Variants in NUP107 observed in about 807,000 individuals in gnomAD.
The protein encoded by NUP107 is nuclear pore complex protein Nup107.
Under a neutral mutation model 141.0 loss-of-function variants are expected in NUP107, and 101 were observed. The observed-to-expected ratio is 0.72, with a 90% CI of 0.61 to 0.84. NUP107 has a LOEUF of 0.84. NUP107 is among the 40% of genes least tolerant of loss of function. The probability of loss-of-function intolerance (pLI) is 0.00; values close to 1 mark genes in which losing one functional copy is unlikely to be tolerated. For missense variants in NUP107, 941 were observed against 1,102.7 expected, an observed-to-expected ratio of 0.85 and a Z score of 2.08; for synonymous variants, 319 against 363.9, an observed-to-expected ratio of 0.88 and a Z score of 1.41.
Position 68,698,348 on chromosome 12 carries a change from G to A in NUP107, c.552+1426G>A, listed in dbSNP as rs535384733. Among the ~76,000 whole-genome samples, 595 of 152,336 alleles carry A rather than the reference G, an allele frequency of 3.9e-3. 2 individuals are homozygous for A. Among genetic ancestry groups the A allele is most frequent in the Middle Eastern group, 6.8e-3 (2 of 294 alleles). Reference sequence around the variant, plus strand: ...GGAGCAACAGGAACTATCATTCATTGCTGGTGGAAATGCAAACAACTATAG... The same window carrying A: ...GGAGCAACAGGAACTATCATTCATTACTGGTGGAAATGCAAACAACTATAG... On this transcript the variant is annotated intron_variant, in intron 6 of 27. Coordinates refer to ENST00000229179, the MANE Select transcript of NUP107 (RefSeq NM_020401.4).
intron 5 of NUP107, among the ~76,000 whole-genome samples, chr12:68,694,254 G>C (rs1171200020): frequency 6.6e-6 from 1 of 152,158 alleles, no homozygotes; most frequent in Non-Finnish European, 1.5e-5. Flanking sequence ...ATGCCATTTA[G>C]TATGTATTAT....
chr12:68,724,748 T>G (rs1877489405), intron 17 of NUP107, among the ~76,000 whole-genome samples: 1 of 152,054 alleles, frequency 6.6e-6, no homozygotes, highest in Non-Finnish European at 1.5e-5. Flanking sequence ...ACCACTGCAC[T>G]CCAGCCTGGG....
intron 5 of NUP107, among the ~76,000 whole-genome samples, chr12:68,693,158 A>G (rs1033406434): frequency 1.3e-5 from 2 of 151,032 alleles, no homozygotes; most frequent in African/African-American, 4.9e-5. Context: ...GCTCACTGCA[A>G]CCTCTACCTG....
At chr12:68,734,279 A>G (rs1157775542) in intron 24 of NUP107, among the ~76,000 whole-genome samples, 1 of 152,144 alleles carries the variant, frequency 6.6e-6, no homozygotes, top group African/African-American at 2.4e-5. Context: ...GTGACAGAGC[A>G]AGGTCCTGTC....
chr12:68,688,524 GTTGT>G (rs1439973348), intron 1 of NUP107, among the ~76,000 whole-genome samples: 6 of 152,116 alleles, frequency 3.9e-5, no homozygotes, highest in Non-Finnish European at 7.4e-5. Flanking sequence ...TGTTGTTGTT[GTTGT>G]TTGTTTGTTT....
chr12:68,687,282 C>A, intron 1 of NUP107: 1 of 701,704 alleles, frequency 1.4e-6, no homozygotes, highest in East Asian at 2.9e-5. Context: ...ATAATAGTCC[C>A]TTACTTTCCC....
chr12:68,700,912 ATTAAT>A, intron 7 of NUP107, 59 bp downstream of exon 7: 1 of 1,437,240 alleles, frequency 7.0e-7, no homozygotes, highest in Non-Finnish European at 9.2e-7. Context: ...CAACAGGCAA[ATTAAT>A]TTAAAAGTTA....
chr12:68,735,079 T>C (rs1878009877), intron 25 of NUP107, 152 bp from the exon 26 acceptor site: 1 of 689,372 alleles, frequency 1.5e-6, no homozygotes, highest in Non-Finnish European at 2.5e-6. Flanking sequence ...TTTACTTAAC[T>C]GCAGTCTGTT....
intron 20 of NUP107, among the ~76,000 whole-genome samples, chr12:68,729,041 G>T (rs923831950): frequency 6.6e-6 from 1 of 152,062 alleles, no homozygotes; most frequent in Non-Finnish European, 1.5e-5. Context: ...AGGGTTTATA[G>T]TATTGCACTA....
At chr12:68,706,299 G>C (rs1876576475) in intron 8 of NUP107, 1 of 947,100 alleles carries the variant, frequency 1.1e-6, no homozygotes, top group South Asian at 1.3e-5. Context: ...GAAGAGATCA[G>C]CTTCCTCAGG....
At chr12:68,734,483 T>C (rs1421496190) in intron 24 of NUP107, among the ~76,000 whole-genome samples, 3 of 152,174 alleles carry the variant, frequency 2.0e-5, no homozygotes, top group Admixed American at 2.0e-4. Context: ...GGTGCTCAGA[T>C]TGGAGAATAT....
rs372354605 is a variant in NUP107 at position 68,714,023 on chromosome 12, TACTTA to T, written c.969+220_969+224del. ...TGTAAGTAATAAGTTGTGGAAAGTATACTTAACTTGACAGCATTAAAAACAAATTA... is the reference window on the plus strand; with the variant it reads ...TGTAAGTAATAAGTTGTGGAAAGTATACTTGACAGCATTAAAAACAAATTA... On this transcript the variant is annotated intron_variant, in intron 11 of 27. Transcript: ENST00000229179. 1,389 of 501,128 alleles carry T rather than the reference TACTTA, an allele frequency of 2.8e-3. 28 individuals carry two copies. Among genetic ancestry groups the T allele is most frequent in the South Asian group, 0.025 (818 of 33,172 alleles). 31.0% of individuals were successfully genotyped at this position (501,128 alleles called of 1,614,324 possible).
chr12:68,720,023 C>G (rs1484469047), intron 14 of NUP107, among the ~76,000 whole-genome samples: 1 of 152,108 alleles, frequency 6.6e-6, no homozygotes, highest in African/African-American at 2.4e-5. Flanking sequence ...GATTGGGAAA[C>G]TCAAAGTAAG....
intron 21 of NUP107, 73 bp downstream of exon 21, chr12:68,731,333 C>G (rs1050637630): frequency 7.1e-7 from 1 of 1,399,946 alleles, no homozygotes; most frequent in African/African-American, 1.5e-5. Flanking sequence ...TAACATTTGT[C>G]CTTATAGTTT....
chr12:68,706,091 ACT>A lies in NUP107; in HGVS notation c.730-3144_730-3143del, dbSNP rs1448594335. 5.2e-6 allele frequency: 4 copies of A among 773,846 alleles called. No individual in the cohort carries two copies. In the African/African-American group the frequency reaches 6.8e-5, roughly 13 times the overall value. The allele number at this position is 773,846 out of a possible 1,614,324, so 47.9% of individuals were successfully genotyped here. A position where few individuals can be genotyped will look rare whatever the true frequency, so the allele number is the denominator to read the frequency against. Reference sequence around the variant, plus strand: ...AACAAACTTCTGCTGGCAGCTGTACACTCTGGGCCAAGAGAAGCTGAAGCTGG... The same window carrying A: ...AACAAACTTCTGCTGGCAGCTGTACACTGGGCCAAGAGAAGCTGAAGCTGG... On this transcript the variant is annotated intron_variant, in intron 8 of 27. Transcript: ENST00000229179.
intron 26 of NUP107, among the ~76,000 whole-genome samples, 176 bp downstream of exon 26, chr12:68,735,520 C>G (rs1238892556): frequency 1.3e-5 from 2 of 152,138 alleles, no homozygotes; most frequent in African/African-American, 2.4e-5. Context: ...ATATTTGATT[C>G]TTGGATAAAC....
At chr12:68,704,661 T>C (rs1367258476) in intron 8 of NUP107, among the ~76,000 whole-genome samples, 1 of 152,002 alleles carries the variant, frequency 6.6e-6, no homozygotes, top group Admixed American at 6.6e-5. Context: ...AACCATGTTG[T>C]CCAGGCTGGT....
intron 11 of NUP107, chr12:68,714,015 G>A: frequency 4.0e-6 from 2 of 498,980 alleles, no homozygotes; most frequent in Non-Finnish European, 7.0e-6. Context: ...AATAAGTTGT[G>A]GAAAGTATAC....
chr12:68,732,244 C>T lies in NUP107; in HGVS notation c.1999-393C>T, dbSNP rs138561125. Reference sequence around the variant, plus strand: ...CCTTCGCCTTCTAGGCTCAAGCCACCCTCCCTCAGTCTCCCGAGTAGCTGG... The same window carrying T: ...CCTTCGCCTTCTAGGCTCAAGCCACTCTCCCTCAGTCTCCCGAGTAGCTGG... On this transcript the variant is annotated intron_variant, in intron 22 of 27. Transcript: ENST00000229179. 2.1e-3 allele frequency among the ~76,000 whole-genome samples: 315 copies of T among 152,278 alleles called. 2 individuals carry two copies. Among genetic ancestry groups the T allele is most frequent in the African/African-American group, 7.1e-3 (294 of 41,556 alleles).
Sources: allele counts gnomAD v4.1 joint callset (sites outside exome capture counted in the v4.1 genomes callset), GRCh38; gene constraint gnomAD v4.1.1; transcripts MANE v1.5; gene names NCBI Gene and HGNC (gene_info 2026-07-23, HGNC 2026-07-21).